Variants in BRD10 observed in about 807,000 individuals in gnomAD.
The protein encoded by BRD10 is bromodomain containing 10.
the BRD10 span, among the ~76,000 whole-genome samples, chr9:5,982,957 T>C: frequency 1.3e-5 from 2 of 152,186 alleles, no homozygotes; most frequent in Non-Finnish European, 2.9e-5. Context: ...AATTGTGGTA[T>C]TGTTATTTTT....
At chr9:5,955,279 C>T in the BRD10 span, among the ~76,000 whole-genome samples, 1 of 151,492 alleles carries the variant, frequency 6.6e-6, no homozygotes, top group Non-Finnish European at 1.5e-5. Context: ...ATCCTATCCT[C>T]TAGGAGCTTA....
chr9:5,992,118 A>T, the BRD10 span, among the ~76,000 whole-genome samples: 1 of 152,188 alleles, frequency 6.6e-6, no homozygotes. Context: ...CTCTATTCTT[A>T]CACTAGTTTC....
the BRD10 span, among the ~76,000 whole-genome samples, chr9:5,945,486 A>T: frequency 2.0e-5 from 3 of 152,120 alleles, no homozygotes; most frequent in Non-Finnish European, 2.9e-5. Context: ...ACCTAAACAA[A>T]ATGAAGTACA....
the BRD10 span, chr9:5,920,085 CAA>C: frequency 3.7e-6 from 6 of 1,613,776 alleles, no homozygotes; most frequent in African/African-American, 1.3e-5. Flanking sequence ...CTTGCATTCC[CAA>C]AAGAGTTTAT....
chr9:5,904,048 G>A, the BRD10 span, among the ~76,000 whole-genome samples: 3 of 151,996 alleles, frequency 2.0e-5, no homozygotes, highest in Non-Finnish European at 4.4e-5. Context: ...AGCAGAGATG[G>A]GGTTTCACCA....
the BRD10 span, among the ~76,000 whole-genome samples, chr9:5,962,099 T>A: frequency 2.3e-3 from 355 of 152,288 alleles, 2 homozygotes; most frequent in Middle Eastern, 0.014. Flanking sequence ...CTTTCCTGCT[T>A]TCTCTTGTGG....
At chr9:5,907,014 T>C in the BRD10 span, 1 of 1,504,166 alleles carries the variant, frequency 6.6e-7, no homozygotes, top group South Asian at 1.2e-5. Context: ...TTAAGATCCT[T>C]CATAAGGGTA....
the BRD10 span, among the ~76,000 whole-genome samples, chr9:5,890,413 G>A: frequency 1.3e-5 from 2 of 152,040 alleles, no homozygotes; most frequent in East Asian, 1.9e-4. Flanking sequence ...AAATTTAACT[G>A]GGCATCCTCC....
chr9:5,969,250 T>C, the BRD10 span: 264 of 1,613,890 alleles, frequency 1.6e-4, 1 homozygote, highest in African/African-American at 3.1e-3. Context: ...AACGTTCCAA[T>C]TCGTAAAAGA....
chr9:5,892,620 C>T, the BRD10 span: 1 of 1,222,130 alleles, frequency 8.2e-7, no homozygotes, highest in East Asian at 2.4e-5. Context: ...CTGACTTCCA[C>T]CAGTACATGC....
At chr9:5,921,506 G>A in the BRD10 span, 1 of 1,613,916 alleles carries the variant, frequency 6.2e-7, no homozygotes, top group Admixed American at 1.7e-5. Flanking sequence ...ACCTGTAGAT[G>A]TCAGCGCAGG....
the BRD10 span, chr9:5,969,575 G>A: frequency 0.019 from 12,471 of 650,278 alleles, 573 homozygotes; most frequent in African/African-American, 0.11. Flanking sequence ...ACAGAGTCTC[G>A]CTCTGTCCCC....
the BRD10 span, among the ~76,000 whole-genome samples, chr9:5,894,488 G>A: frequency 3.3e-5 from 5 of 152,072 alleles, no homozygotes; most frequent in Admixed American, 6.6e-5. The surrounding 1 kb of genome is among the most constrained non-coding windows in gnomAD (Gnocchi z 4.0). Flanking sequence ...GAGGAGGGAC[G>A]CCACAGAAAT....
At chr9:5,933,936 C>A in the BRD10 span, 2 of 449,712 alleles carry the variant, frequency 4.4e-6, no homozygotes, top group Non-Finnish European at 9.0e-6. Flanking sequence ...TGTCTCATAA[C>A]AACAAATATA....
At chr9:5,939,943 C>A in the BRD10 span, among the ~76,000 whole-genome samples, 1 of 152,162 alleles carries the variant, frequency 6.6e-6, no homozygotes, top group Non-Finnish European at 1.5e-5. Context: ...TTATACAGAA[C>A]TCTGTGACCA....
At chr9:5,953,975 C>CA in the BRD10 span, 1 of 1,259,686 alleles carries the variant, frequency 7.9e-7, no homozygotes, top group Non-Finnish European at 1.1e-6. Flanking sequence ...AACACTGAAA[C>CA]AAAAAATTGA....
chr9:5,926,148 C>T, the BRD10 span, among the ~76,000 whole-genome samples: 1 of 152,090 alleles, frequency 6.6e-6, no homozygotes, highest in African/African-American at 2.4e-5. Flanking sequence ...AAATTCCTGA[C>T]CTCGTGATCT....
chr9:5,942,533 T>A, the BRD10 span, among the ~76,000 whole-genome samples: 1 of 152,130 alleles, frequency 6.6e-6, no homozygotes, highest in Non-Finnish European at 1.5e-5. Context: ...TAAGGAACAA[T>A]AGATGCAAAC....
At chr9:5,981,438 C>T in the BRD10 span, among the ~76,000 whole-genome samples, 1 of 152,274 alleles carries the variant, frequency 6.6e-6, no homozygotes, top group South Asian at 2.1e-4. Context: ...TTTGAATGTG[C>T]CACATGTTTC....
Sources: gnomAD v4.1 joint callset for allele counts (sites outside exome capture counted in the v4.1 genomes callset) on GRCh38, gnomAD v4.1.1 for gene constraint, Gnocchi (gnomAD v3.1) non-coding constraint, MANE v1.5 for transcripts, NCBI Gene and HGNC (gene_info 2026-07-23, HGNC 2026-07-21) for gene names.